Variants in ADGRL2 observed in about 807,000 individuals in gnomAD.
ADGRL2 encodes the protein adhesion G protein-coupled receptor L2, also known as calcium-independent alpha-latrotoxin receptor 2.
Under a neutral mutation model 157.4 loss-of-function variants are expected in ADGRL2, and 44 were observed. The ratio of observed to expected loss-of-function variants is 0.28; its 90% confidence interval spans 0.22 to 0.36. ADGRL2 has a LOEUF of 0.36. ADGRL2 is among the 10% of genes least tolerant of loss of function. ADGRL2 has a pLI of 1.00. For missense variants in ADGRL2, 1,510 were observed against 1,768.9 expected (o/e 0.85, Z 2.63); for synonymous variants, 585 against 624.7 (o/e 0.94, Z 0.95).
At chr1:81,568,227 G>A (rs1232182716) in intron 2 of ADGRL2, among the ~76,000 whole-genome samples, 2 of 152,086 alleles carry the variant, frequency 1.3e-5, no homozygotes, top group Non-Finnish European at 2.9e-5. Flanking sequence ...TCTAGAAAGA[G>A]GGATCATTGT....
chr1:81,313,834 T>C (rs749564801), intron 1 of ADGRL2, among the ~76,000 whole-genome samples: 3 of 152,180 alleles, frequency 2.0e-5, no homozygotes, highest in Non-Finnish European at 4.4e-5. Context: ...CAGACTGCCA[T>C]TGATTTTTTT....
intron 2 of ADGRL2, among the ~76,000 whole-genome samples, chr1:81,839,401 G>A (rs551337869): frequency 2.0e-5 from 3 of 151,674 alleles, no homozygotes; most frequent in Admixed American, 6.6e-5. Flanking sequence ...TTATTTTCCC[G>A]TAAGTTATTT....
chr1:81,442,839 C>A (rs923869614), intron 1 of ADGRL2, among the ~76,000 whole-genome samples: 1 of 152,172 alleles, frequency 6.6e-6, no homozygotes, highest in Non-Finnish European at 1.5e-5. Flanking sequence ...GGTTTCACAG[C>A]CTCACTCACA....
chr1:81,872,022 A>G (rs1300699469), intron 2 of ADGRL2, among the ~76,000 whole-genome samples: 2 of 152,130 alleles, frequency 1.3e-5, no homozygotes, highest in African/African-American at 4.8e-5. Context: ...TATGTCCTGA[A>G]TGGTAATGCC....
intron 2 of ADGRL2, among the ~76,000 whole-genome samples, chr1:81,866,200 G>A (rs1396297996): frequency 6.6e-6 from 1 of 152,004 alleles, no homozygotes; most frequent in East Asian, 1.9e-4. Context: ...TCCTAGGCTT[G>A]TCATATCACT....
chr1:81,664,996 A>G (rs1375305229), intron 3 of ADGRL2, among the ~76,000 whole-genome samples: 1 of 152,130 alleles, frequency 6.6e-6, no homozygotes, highest in Non-Finnish European at 1.5e-5. Context: ...TCCCTCCCCA[A>G]GTGGATCTCA....
intron 1 of ADGRL2, among the ~76,000 whole-genome samples, chr1:81,316,317 C>G (rs1321554985): frequency 6.6e-6 from 1 of 152,048 alleles, no homozygotes; most frequent in African/African-American, 2.4e-5. Flanking sequence ...TTTTAATTAC[C>G]TTTTGGAATA....
At chr1:81,963,715 A>G (rs1426883321) in intron 11 of ADGRL2, among the ~76,000 whole-genome samples, 1 of 151,388 alleles carries the variant, frequency 6.6e-6, no homozygotes, top group African/African-American at 2.4e-5. Flanking sequence ...TGCTTTTTTA[A>G]CTTAATTTAC....
chr1:81,615,460 G>A (rs111999528), intron 3 of ADGRL2, among the ~76,000 whole-genome samples: 1 of 152,290 alleles, frequency 6.6e-6, no homozygotes, highest in South Asian at 2.1e-4. Flanking sequence ...CACTCACCGC[G>A]AAGGTCTGCA....
chr1:81,499,962 T>A (rs1038871542), intron 2 of ADGRL2, among the ~76,000 whole-genome samples: 1 of 150,148 alleles, frequency 6.7e-6, no homozygotes, highest in African/African-American at 2.5e-5. Flanking sequence ...TTGAAAAAAA[T>A]TAATAGATCT....
intron 10 of ADGRL2, among the ~76,000 whole-genome samples, chr1:81,955,432 T>C (rs1176904200): frequency 6.6e-6 from 1 of 152,178 alleles, no homozygotes; most frequent in Non-Finnish European, 1.5e-5. Flanking sequence ...AATAATATAG[T>C]TTAATTTTCA....
chr1:81,982,925 A>AT (rs1662074394), intron 19 of ADGRL2, among the ~76,000 whole-genome samples: 1 of 152,020 alleles, frequency 6.6e-6, no homozygotes, highest in African/African-American at 2.4e-5. Context: ...GTTAACACCC[A>AT]TTAAATGTGT....
At chr1:81,779,397 T>C (rs533752463) in intron 2 of ADGRL2, among the ~76,000 whole-genome samples, 80 of 152,260 alleles carry the variant, frequency 5.3e-4, no homozygotes, top group Admixed American at 1.1e-3. Flanking sequence ...TTGCTTTCTC[T>C]TTTTCATGAA....
chr1:81,728,240 AAAC>A (rs1427109611), intron 1 of ADGRL2, among the ~76,000 whole-genome samples: 3 of 152,190 alleles, frequency 2.0e-5, no homozygotes, highest in Admixed American at 1.3e-4. Flanking sequence ...ACAGGGTGAG[AAAC>A]TTGTAGCCTG....
intron 1 of ADGRL2, among the ~76,000 whole-genome samples, chr1:81,366,210 G>A (rs2076063826): frequency 6.6e-6 from 1 of 151,740 alleles, no homozygotes; most frequent in South Asian, 2.1e-4. Context: ...AGTAAGCTGT[G>A]CAAGGAAAAG....
chr1:81,411,592 T>A (rs1311811214), intron 1 of ADGRL2, among the ~76,000 whole-genome samples: 1 of 152,124 alleles, frequency 6.6e-6, no homozygotes, highest in Non-Finnish European at 1.5e-5. Context: ...CTGGAAATAG[T>A]TTTAAAGTTT....
chr1:81,394,420 A>T (rs1359107530), intron 1 of ADGRL2, among the ~76,000 whole-genome samples: 5 of 152,016 alleles, frequency 3.3e-5, no homozygotes, highest in African/African-American at 1.2e-4. Flanking sequence ...CTTCCGTGAG[A>T]TCAACTCTTT....
rs79421336 is a variant in ADGRL2 at position 81,569,537 on chromosome 1, A to G, written c.-247-11339A>G. Among the ~76,000 whole-genome samples, 651 of 152,240 alleles carry G rather than the reference A, an allele frequency of 4.3e-3. 5 individuals are homozygous for G. The highest frequency in any genetic ancestry group is 0.013 in the African/African-American group (545 of 41,546). Reference sequence around the variant, plus strand: ...GATGTCAGCATGTAGGCCAGGTGCAATGGCTCACTCCTATGATCTTAGCAC... The same window carrying G: ...GATGTCAGCATGTAGGCCAGGTGCAGTGGCTCACTCCTATGATCTTAGCAC... On this transcript the variant is annotated intron_variant, in intron 2 of 24. Coordinates refer to the ADGRL2 transcript ENST00000370721.
intron 9 of ADGRL2, 96 bp downstream of exon 9, chr1:81,952,238 A>AC: frequency 1.0e-6 from 1 of 987,672 alleles, no homozygotes; most frequent in Non-Finnish European, 1.4e-6. Context: ...TGGCCCCGGG[A>AC]CATATACTTA....
Sources: allele counts gnomAD v4.1 joint callset (sites outside exome capture counted in the v4.1 genomes callset), GRCh38; gene constraint gnomAD v4.1.1; transcripts MANE v1.5; gene names NCBI Gene and HGNC (gene_info 2026-07-23, HGNC 2026-07-21).